Variants in ZNF684 observed in about 807,000 individuals in gnomAD.
The protein encoded by ZNF684 is hypothetical protein MGC27466.
A neutral mutation model predicts 12.8 loss-of-function variants in ZNF684; 13 were observed. The ratio of observed to expected loss-of-function variants is 1.02; its 90% CI spans 0.66 to 1.62. The LOEUF is 1.62. ZNF684 is among the 40% of genes most tolerant of loss of function. ZNF684 has a pLI of 0.00. For synonymous variants in ZNF684, 118 were observed against 151.8 expected (o/e 0.78, Z 1.64); for missense variants, 384 against 446.9 (o/e 0.86, Z 1.27).
intron 2 of ZNF684, among the ~76,000 whole-genome samples, chr1:40,536,528 T>TA (rs1305796551): frequency 6.8e-6 from 1 of 147,074 alleles, no homozygotes; most frequent in African/African-American, 2.5e-5. Context: ...TTTTTTTTTT[T>TA]ATACTTTAAG....
intron 2 of ZNF684, among the ~76,000 whole-genome samples, chr1:40,538,435 C>T (rs1355098155): frequency 1.3e-5 from 2 of 152,210 alleles, no homozygotes; most frequent in Non-Finnish European, 2.9e-5. Context: ...GATTATTCCA[C>T]TTTTTTGACT....
At chr1:40,540,458 T>C in intron 2 of ZNF684, 128 bp from the exon 3 acceptor site, 2 of 985,524 alleles carry the variant, frequency 2.0e-6, no homozygotes, top group Non-Finnish European at 2.9e-6. Flanking sequence ...ATCAAGCATG[T>C]AATCATTATA....
At position 40,547,077 on chromosome 1, in the gene ZNF684, T is replaced by C. The variant is rs758464817; in HGVS notation, c.754T>C (p.Phe252Leu). The C allele has an allele frequency of 6.2e-7, 1 of 1,614,080 alleles. No homozygotes were observed. Among genetic ancestry groups the C allele is most frequent in the East Asian group, 2.2e-5 (1 of 44,898 alleles). Residue 252 changes from phenylalanine to leucine, a missense_variant, in exon 5 of 5, where the codon TTC becomes CTC. Coordinates refer to ENST00000372699, the MANE Select transcript of ZNF684 (RefSeq NM_152373.4). ...TGAGTGCAGTCAATGTGGGAAAACA[T>C]TCACTTGGAACTCCTCATTTAATCA... Reference protein sequence around the residue: ...PYECSQCGKTFTWNSSFNQHV... With the variant: ...PYECSQCGKTLTWNSSFNQHV...
chr1:40,534,236 A>ATT (rs556340597), intron 2 of ZNF684, among the ~76,000 whole-genome samples: 174 of 102,582 alleles, frequency 1.7e-3, no homozygotes, highest in Non-Finnish European at 2.4e-3. Flanking sequence ...TTTTATTATA[A>ATT]TTTTTTTTTT....
chr1:40,545,199 G>A (rs1646039794), intron 4 of ZNF684, among the ~76,000 whole-genome samples: 1 of 152,228 alleles, frequency 6.6e-6, no homozygotes, highest in Non-Finnish European at 1.5e-5. Flanking sequence ...ACCAATGGCT[G>A]TAGCCCACTA....
At chr1:40,545,260 T>C (rs979683759) in intron 4 of ZNF684, among the ~76,000 whole-genome samples, 2 of 152,160 alleles carry the variant, frequency 1.3e-5, no homozygotes, top group African/African-American at 4.8e-5. Context: ...GCTTGGAGTA[T>C]TGTACTAACA....
At chr1:40,536,787 G>A (rs1226097461) in intron 2 of ZNF684, among the ~76,000 whole-genome samples, 1 of 150,202 alleles carries the variant, frequency 6.7e-6, no homozygotes, top group East Asian at 2.0e-4. Context: ...TCTTGCGATA[G>A]TTTACTGAGA....
intron 2 of ZNF684, among the ~76,000 whole-genome samples, chr1:40,538,071 A>G (rs1293633504): frequency 6.6e-6 from 1 of 151,938 alleles, no homozygotes; most frequent in African/African-American, 2.4e-5. Context: ...ACTGTGTTGT[A>G]GCTTCAACCT....
At chr1:40,541,489 T>C (rs1646016097) in intron 3 of ZNF684, 126 bp from the exon 4 acceptor site, 2 of 697,790 alleles carry the variant, frequency 2.9e-6, no homozygotes, top group Non-Finnish European at 2.5e-6. Flanking sequence ...AGCCTGGGTC[T>C]GTTCTGTTTT....
chr1:40,532,443 A>C (rs538945285), intron 1 of ZNF684, among the ~76,000 whole-genome samples: 1 of 151,352 alleles, frequency 6.6e-6, no homozygotes, highest in African/African-American at 2.4e-5. Context: ...ATGAATGCTG[A>C]GTAAATTTCG....
chr1:40,541,452 G>A (rs61779162), intron 3 of ZNF684, 163 bp from the exon 4 acceptor site: 86,685 of 505,768 alleles, frequency 0.17, 10,348 homozygotes, highest in East Asian at 0.47. Flanking sequence ...CAAAGTGTTC[G>A]GATTACAGGC....
chr1:40,536,976 G>C (rs1016926445), intron 2 of ZNF684, among the ~76,000 whole-genome samples: 2 of 151,988 alleles, frequency 1.3e-5, no homozygotes, highest in Middle Eastern at 3.4e-3. Context: ...ATAAACATAC[G>C]TGTGCATGTG....
At chr1:40,540,008 G>A (rs1646006034) in intron 2 of ZNF684, among the ~76,000 whole-genome samples, 1 of 151,846 alleles carries the variant, frequency 6.6e-6, no homozygotes, top group African/African-American at 2.4e-5. Flanking sequence ...CTAGATACAA[G>A]CCTCTTATCA....
chr1:40,544,460 TC>T, intron 4 of ZNF684: 1 of 391,278 alleles, frequency 2.6e-6, no homozygotes, highest in Non-Finnish European at 5.1e-6. Flanking sequence ...CAAGTGATTC[TC>T]CTACCTCAGC....
At position 40,541,016 on chromosome 1, in the gene ZNF684, G is replaced by C. The variant is rs550084044; in HGVS notation, c.142+304G>C. Reference sequence around the variant, plus strand: ...ACTGCATTCCAGCCTGGGTGACAGAGTGAGACCCTATCTCAAAAAAAAAAA... The same window carrying C: ...ACTGCATTCCAGCCTGGGTGACAGACTGAGACCCTATCTCAAAAAAAAAAA... On this transcript the variant is annotated intron_variant, in intron 3 of 4. Coordinates refer to ENST00000372699, the MANE Select transcript of ZNF684 (RefSeq NM_152373.4). Among the ~76,000 whole-genome samples the C allele has an allele frequency of 2.2e-5, 3 of 137,360 alleles. No individual in the cohort carries two copies. In the East Asian group the frequency reaches 7.1e-4, roughly 32 times the overall value. The allele number at this position is 137,360 out of a possible 152,430, so 90.1% of individuals were successfully genotyped here. A position where few individuals can be genotyped will look rare whatever the true frequency, so the allele number is the denominator to read the frequency against.
Position 40,540,727 on chromosome 1 carries a change from T to A in ZNF684, c.142+15T>A. On this transcript the variant is annotated intron_variant, in intron 3 of 4. Coordinates refer to ENST00000372699, the MANE Select transcript of ZNF684 (RefSeq NM_152373.4). ...CATCTCAGTGGGTAAGGACAATGAG[T>A]GGTAACTTTTCAGTGTAATTCAGTG... 6.3e-7 allele frequency: 1 copy of A among 1,578,982 alleles called. No homozygotes were observed. Among genetic ancestry groups the A allele is most frequent in the Non-Finnish European group, 8.6e-7 (1 of 1,163,918 alleles).
At chr1:40,541,594 A>T in intron 3 of ZNF684, 21 bp from the exon 4 acceptor site, 1 of 1,606,442 alleles carries the variant, frequency 6.2e-7, no homozygotes, top group Non-Finnish European at 8.5e-7. Flanking sequence ...CCCCACTTCT[A>T]TGCTGTTTTC....
chr1:40,536,602 C>T (rs1232634511), intron 2 of ZNF684, among the ~76,000 whole-genome samples: 13 of 145,384 alleles, frequency 8.9e-5, no homozygotes, highest in Non-Finnish European at 2.0e-4. Flanking sequence ...CATGCTGGTG[C>T]GCTACACCCA....
Position 40,541,650 on chromosome 1 carries a change from G to C in ZNF684, c.178G>C (p.Val60Leu). The C allele has an allele frequency of 6.2e-7, 1 of 1,613,494 alleles. No individual in the cohort carries two copies. The highest frequency in any genetic ancestry group is 8.5e-7 in the Non-Finnish European group (1 of 1,179,656). ...PITKTKVILK[V>L]EQGQEPWMVE... ...TACCAAAACAAAAGTGATCCTCAAG[G>C]TAGAGCAAGGACAAGAGCCATGGAT... Residue 60 changes from valine to leucine, a missense_variant, in exon 4 of 5, where the codon GTA (valine) becomes CTA (leucine). Physicochemically the swap from Val to Leu is conservative, Grantham distance 32. Transcript: ENST00000372699.
Sources: gnomAD v4.1 joint callset for allele counts (sites outside exome capture counted in the v4.1 genomes callset) on GRCh38, gnomAD v4.1.1 for gene constraint, MANE v1.5 for transcripts, NCBI Gene and HGNC (gene_info 2026-07-23, HGNC 2026-07-21) for gene names.